STK32A: variants seen among roughly 807,000 people sequenced by gnomAD.
STK32A encodes serine/threonine kinase 32A, also known as serine/threonine-protein kinase 32A.
A neutral mutation model predicts 53.2 loss-of-function variants in STK32A; 41 were observed. The observed-to-expected ratio is 0.77, with a 90% CI of 0.60 to 1.00. The LOEUF is 1.00. STK32A is among the 50% of genes least tolerant of loss of function. The probability of loss-of-function intolerance (pLI) is 0.00; values close to 1 mark genes in which losing one functional copy is unlikely to be tolerated. For missense variants in STK32A, 458 were observed against 485.8 expected (o/e 0.94, Z 0.54); for synonymous variants, 166 against 162.8 (o/e 1.02, Z -0.15).
chr5:147,377,431 G>A (rs941893970), intron 11 of STK32A, among the ~76,000 whole-genome samples: 1 of 151,944 alleles, frequency 6.6e-6, no homozygotes, highest in Non-Finnish European at 1.5e-5. Flanking sequence ...ATTTCTATCT[G>A]TTGATTTTAA....
chr5:147,374,931 G>A (rs1293164212), intron 10 of STK32A, among the ~76,000 whole-genome samples, 159 bp from the exon 11 acceptor site: 1 of 152,174 alleles, frequency 6.6e-6, no homozygotes, highest in African/African-American at 2.4e-5. Context: ...TATGAAAAAC[G>A]ATGCTGGCAA....
intron 2 of STK32A, among the ~76,000 whole-genome samples, chr5:147,241,713 G>T (rs923016766): frequency 6.6e-6 from 1 of 152,078 alleles, no homozygotes; most frequent in Non-Finnish European, 1.5e-5. Context: ...AAGATCTAGA[G>T]ACTAGTGATA....
At chr5:147,244,502 T>A (rs1179817297) in intron 2 of STK32A, among the ~76,000 whole-genome samples, 1 of 152,216 alleles carries the variant, frequency 6.6e-6, no homozygotes, top group Non-Finnish European at 1.5e-5. Flanking sequence ...GGACACAGCC[T>A]GGCATGATGG....
At chr5:147,338,642 A>C (rs1166908847) in intron 5 of STK32A, among the ~76,000 whole-genome samples, 1 of 152,204 alleles carries the variant, frequency 6.6e-6, no homozygotes, top group Non-Finnish European at 1.5e-5. Context: ...CAAAATGCTG[A>C]TAGTGATATG....
At chr5:147,378,550 A>G (rs116512159) in intron 11 of STK32A, among the ~76,000 whole-genome samples, 2,038 of 152,226 alleles carry the variant, frequency 0.013, 31 homozygotes, top group African/African-American at 0.047. Context: ...GCTATAGCTT[A>G]GCCCCATTTC....
intron 2 of STK32A, among the ~76,000 whole-genome samples, chr5:147,245,946 A>G (rs1753754310): frequency 6.6e-6 from 1 of 152,216 alleles, no homozygotes; most frequent in Non-Finnish European, 1.5e-5. Context: ...TTTGCAATCC[A>G]AAAGAAATAG....
intron 4 of STK32A, among the ~76,000 whole-genome samples, chr5:147,304,722 C>G (rs2151967803): frequency 6.6e-6 from 1 of 152,238 alleles, no homozygotes; most frequent in East Asian, 1.9e-4. Flanking sequence ...AGTCTGCCAT[C>G]CTGGAATCTT....
intron 2 of STK32A, among the ~76,000 whole-genome samples, chr5:147,267,029 CA>C (rs60526828): frequency 0.066 from 8,005 of 121,046 alleles, 697 homozygotes; most frequent in African/African-American, 0.23. Context: ...AACTCCATCT[CA>C]AAAAAAAAAA....
At position 147,384,745 on chromosome 5, in the gene STK32A, C is replaced by G. The variant is rs1271444329; in HGVS notation, c.*762C>G. On this transcript the variant is annotated 3_prime_UTR_variant, in exon 13 of 13. Coordinates refer to ENST00000397936, the MANE Select transcript of STK32A (RefSeq NM_001112724.2). ...ATTGCTAAATATTAGCCCACCACTC[C>G]TTCCAAGAAGCATGTTCCTTGAGGG... 12 of 284,392 alleles carry G rather than the reference C, an allele frequency of 4.2e-5. No homozygotes were observed. Among genetic ancestry groups the G allele is most frequent in the Non-Finnish European group, 7.2e-5 (11 of 153,180 alleles). The allele number at this position is 284,392 out of a possible 1,614,324, so 17.6% of individuals were successfully genotyped here. A position where few individuals can be genotyped will look rare whatever the true frequency, so the allele number is the denominator to read the frequency against.
chr5:147,379,619 ATCC>A (rs1581157328), intron 11 of STK32A, among the ~76,000 whole-genome samples: 1 of 152,032 alleles, frequency 6.6e-6, no homozygotes, highest in African/African-American at 2.4e-5. Flanking sequence ...CCCCCAGAAT[ATCC>A]TCCACTTTAT....
At chr5:147,363,314 C>T (rs988862543) in intron 8 of STK32A, among the ~76,000 whole-genome samples, 5 of 122,360 alleles carry the variant, frequency 4.1e-5, no homozygotes, top group Non-Finnish European at 9.1e-5. Flanking sequence ...TTGGTTTGCC[C>T]TCTAGATCTA....
chr5:147,272,094 T>A (rs996908465), intron 2 of STK32A, among the ~76,000 whole-genome samples: 1 of 152,112 alleles, frequency 6.6e-6, no homozygotes, highest in Non-Finnish European at 1.5e-5. Context: ...TTGTACTCTG[T>A]CCCTTTATTT....
intron 5 of STK32A, among the ~76,000 whole-genome samples, chr5:147,325,104 T>C (rs1490745386): frequency 6.6e-6 from 1 of 152,192 alleles, no homozygotes; most frequent in East Asian, 1.9e-4. Context: ...CCAATTCACA[T>C]TACTTACACA....
intron 6 of STK32A, 21 bp from the exon 7 acceptor site, chr5:147,351,044 G>A (rs761478922): frequency 6.2e-7 from 1 of 1,609,392 alleles, no homozygotes; most frequent in East Asian, 2.2e-5. Context: ...AACTTTCTGT[G>A]TGGTTCTTCT....
chr5:147,308,914 ATT>A (rs144426375), intron 4 of STK32A, among the ~76,000 whole-genome samples: 264 of 150,956 alleles, frequency 1.7e-3, no homozygotes, highest in African/African-American at 6.2e-3. Context: ...ACAATAAAAT[ATT>A]TGTTTTTTAT....
At chr5:147,372,188 C>T (rs1205966932) in intron 9 of STK32A, among the ~76,000 whole-genome samples, 1 of 143,054 alleles carries the variant, frequency 7.0e-6, no homozygotes, top group Non-Finnish European at 1.5e-5. Flanking sequence ...AGATGAAGAA[C>T]AGTTATAGCG....
chr5:147,308,476 A>G (rs966362483), intron 4 of STK32A, among the ~76,000 whole-genome samples: 1 of 152,092 alleles, frequency 6.6e-6, no homozygotes, highest in African/African-American at 2.4e-5. Flanking sequence ...ATTTACATTC[A>G]TGTGATTTAC....
intron 4 of STK32A, among the ~76,000 whole-genome samples, chr5:147,321,486 A>C (rs1240691378): frequency 1.3e-5 from 2 of 152,218 alleles, no homozygotes; most frequent in Non-Finnish European, 1.5e-5. Context: ...AAATACATTT[A>C]TATTTCTACT....
chr5:147,393,773 C>A, the STK32A span: 11 of 478,328 alleles, frequency 2.3e-5, no homozygotes, highest in Admixed American at 6.7e-5. Context: ...GACTCTTTTA[C>A]CTTAGTGGCC....
Sources: allele counts gnomAD v4.1 joint callset (sites outside exome capture counted in the v4.1 genomes callset), GRCh38; gene constraint gnomAD v4.1.1; transcripts MANE v1.5; gene names NCBI Gene and HGNC (gene_info 2026-07-23, HGNC 2026-07-21).